The following NFATC1 variants were observed in gnomAD, a reference collection of about 807,000 sequenced individuals.
NFATC1 encodes the protein nuclear factor of activated T-cells, cytoplasmic 1.
In NFATC1, 22 loss-of-function variants were observed where a neutral mutation model predicts 76.0. The ratio of observed to expected loss-of-function variants is 0.29; its 90% confidence interval spans 0.21 to 0.41. The LOEUF (loss-of-function observed/expected upper bound fraction) is 0.41. Among genes scored for constraint, NFATC1 ranks in the 10% least tolerant of loss-of-function variants. The pLI, the probability that NFATC1 is intolerant of heterozygous loss-of-function variation, is 1.00. For missense variants in NFATC1, 1,357 were observed against 1,337.7 expected (o/e 1.01, Z -0.23); for synonymous variants, 704 against 613.1 (o/e 1.15, Z -2.19).
At chr18:79,446,876 C>T (rs368961453) in intron 3 of NFATC1, among the ~76,000 whole-genome samples, 8 of 152,234 alleles carry the variant, frequency 5.3e-5, no homozygotes, top group South Asian at 2.1e-4. Flanking sequence ...CGTGTTCCCA[C>T]GTGATGCCTT....
chr18:79,450,081 T>G (rs1391442552), intron 4 of NFATC1, among the ~76,000 whole-genome samples: 1 of 152,146 alleles, frequency 6.6e-6, no homozygotes, highest in African/African-American at 2.4e-5. Context: ...CGCTGGCGGC[T>G]GCGTTCACCC....
At chr18:79,437,848 C>T (rs913274332) in intron 3 of NFATC1, among the ~76,000 whole-genome samples, 2 of 152,230 alleles carry the variant, frequency 1.3e-5, no homozygotes, top group Non-Finnish European at 2.9e-5. Flanking sequence ...GTCTCACCTC[C>T]TCATCCGCAC....
chr18:79,424,975 C>CTCTG (rs551768188), intron 2 of NFATC1, among the ~76,000 whole-genome samples: 1 of 145,298 alleles, frequency 6.9e-6, no homozygotes, highest in Non-Finnish European at 1.5e-5. Flanking sequence ...CCGTCTCTGT[C>CTCTG]TCTCTGTCTC....
chr18:79,462,156 A>G (rs1250134353), intron 7 of NFATC1, among the ~76,000 whole-genome samples: 1 of 152,036 alleles, frequency 6.6e-6, no homozygotes, highest in Non-Finnish European at 1.5e-5. Context: ...CTGCTCCCAC[A>G]TCTCCTGCAC....
At chr18:79,432,805 C>T (rs922654308) in intron 2 of NFATC1, among the ~76,000 whole-genome samples, 21 of 152,210 alleles carry the variant, frequency 1.4e-4, no homozygotes, top group Admixed American at 1.4e-3. Context: ...GGAAGACACG[C>T]CGAGGGCACG....
chr18:79,486,092 G>A (rs187909899), intron 8 of NFATC1, among the ~76,000 whole-genome samples, 156 bp from the exon 9 acceptor site: 30 of 142,488 alleles, frequency 2.1e-4, no homozygotes, highest in African/African-American at 7.8e-4. Flanking sequence ...GATGACTCAC[G>A]CCTTTTTTTT....
At chr18:79,434,991 C>G (rs1441310302) in intron 3 of NFATC1, among the ~76,000 whole-genome samples, 3 of 152,204 alleles carry the variant, frequency 2.0e-5, no homozygotes, top group Admixed American at 6.5e-5. Context: ...CTCCACCCTC[C>G]CAGGTGGGAA....
At chr18:79,447,761 A>G (rs1256989951) in intron 3 of NFATC1, among the ~76,000 whole-genome samples, 2 of 152,246 alleles carry the variant, frequency 1.3e-5, no homozygotes, top group East Asian at 1.9e-4. Context: ...TGCCTCTTGC[A>G]TATGGAATCA....
chr18:79,411,002 C>A lies in NFATC1; in HGVS notation c.727C>A (p.Arg243Ser). Residue 243 changes from arginine (R) to serine (S), a missense_variant, in exon 2 of 10, where the codon CGC becomes AGC. Transcript: ENST00000427363. ...SPRHSPSTSP[R>S]ASVTEESWLG... ...GCGGCACTCCCCCTCCACCTCGCCC[C>A]GCGCCAGCGTCACTGAGGAGAGCTG... The A allele has an allele frequency of 6.2e-7, 1 of 1,609,744 alleles. No homozygotes were observed. The highest frequency in any genetic ancestry group is 8.5e-7 in the Non-Finnish European group (1 of 1,178,436).
intron 9 of NFATC1, among the ~76,000 whole-genome samples, chr18:79,487,368 C>T (rs1600896359): frequency 6.6e-6 from 1 of 152,230 alleles, no homozygotes; most frequent in Non-Finnish European, 1.5e-5. Flanking sequence ...TAGACAACAG[C>T]TTAGCCGAGG....
rs544150047 is a variant in NFATC1, at chr18:79,404,286, G to A, written c.128-6117G>A. ...GGAACATTAAATACCGTTTGTTTGC[G>A]CTGTGACGAGGCCATCCTATTTGCC... On this transcript the variant is annotated intron_variant, in intron 1 of 9. Transcript: ENST00000427363. Among the ~76,000 whole-genome samples the A allele has an allele frequency of 5.3e-5, 8 of 152,300 alleles. No individual in the cohort carries two copies. In the South Asian group the frequency reaches 1.0e-3, roughly 20 times the overall value.
At chr18:79,525,028 GC>G (rs2090722127) in intron 9 of NFATC1, among the ~76,000 whole-genome samples, 1 of 87,572 alleles carries the variant, frequency 1.1e-5, no homozygotes, top group Non-Finnish European at 2.5e-5. Flanking sequence ...TACCCCTCAG[GC>G]CTCCCCACGT....
chr18:79,451,066 G>A lies in NFATC1; in HGVS notation c.1702G>A (p.Val568Ile), dbSNP rs772820554. The change falls in exon 5 of 10, where the codon GTC becomes ATC. Residue 568 changes from valine to isoleucine, a missense_variant. Physicochemically the swap from Val to Ile is conservative, Grantham distance 29 (BLOSUM62 3). Coordinates refer to ENST00000427363, the MANE Select transcript of NFATC1 (RefSeq NM_001278669.2). ...TRVRLVFRVHVPQPSGRTLSL... is the reference protein window; with the variant it reads ...TRVRLVFRVHIPQPSGRTLSL... ...GGTACGGCTGGTGTTCCGCGTTCAC[G>A]TCCCGCAACCCAGCGGCCGCACGCT... is the stretch of plus-strand genomic sequence containing the variant. 31 of 1,613,128 alleles carry A rather than the reference G, an allele frequency of 1.9e-5. No individual in the cohort carries two copies. Among genetic ancestry groups the A allele is most frequent in the Admixed American group, 5.0e-5 (3 of 60,012 alleles).
rs538524130 is a variant in NFATC1 at position 79,398,545 on chromosome 18, G to A, written c.127+2194G>A. ...AAGCCCAGCACTGGGGCGGGGGAAG[G>A]GGGGGCTCCTAGGAGCAGCAGGGGA... On this transcript the variant is annotated intron_variant, in intron 1 of 9. Coordinates refer to ENST00000427363, the MANE Select transcript of NFATC1 (RefSeq NM_001278669.2). Among the ~76,000 whole-genome samples, 10 of 152,316 alleles carry A rather than the reference G, an allele frequency of 6.6e-5. No individual in the cohort carries two copies. In the South Asian group the frequency reaches 1.4e-3, roughly 22 times the overall value.
chr18:79,425,257 C>A (rs985168617), intron 2 of NFATC1, among the ~76,000 whole-genome samples: 1 of 55,244 alleles, frequency 1.8e-5, no homozygotes, highest in African/African-American at 1.3e-4. Flanking sequence ...CTGTTTCTCT[C>A]CCTGTCTCTG....
intron 9 of NFATC1, among the ~76,000 whole-genome samples, chr18:79,513,135 C>T (rs1292285492): frequency 6.6e-6 from 1 of 152,232 alleles, no homozygotes; most frequent in Non-Finnish European, 1.5e-5. Flanking sequence ...ATTCCTCTCT[C>T]GATACCCAGA....
intron 2 of NFATC1, among the ~76,000 whole-genome samples, chr18:79,423,269 C>A (rs2086164171): frequency 6.6e-6 from 1 of 152,230 alleles, no homozygotes; most frequent in Non-Finnish European, 1.5e-5. Flanking sequence ...GGCCTCACAG[C>A]CCAGATCCCG....
In NFATC1 at chr18:79,450,936, G is replaced by A. The variant is rs961451180; in HGVS notation, c.1590-18G>A. 70 of 1,605,766 alleles carry A rather than the reference G, an allele frequency of 4.4e-5. No homozygotes were observed. Among genetic ancestry groups the A allele is most frequent in the South Asian group, 5.5e-5 (5 of 90,814 alleles). On this transcript the variant is annotated intron_variant, in intron 4 of 9. Transcript: ENST00000427363. ...GTCAGCCATTGAAAGAAAAGCTGTG[G>A]GCTTTTGTTTTGGGCAGCATTGACT...
At chr18:79,433,474 C>A in intron 2 of NFATC1, 105 bp from the exon 3 acceptor site, 1 of 1,354,362 alleles carries the variant, frequency 7.4e-7, no homozygotes, top group South Asian at 1.2e-5. Context: ...CGTGCACTCG[C>A]CGATGAAGTG....
Sources: gnomAD v4.1 joint callset for allele counts (sites outside exome capture counted in the v4.1 genomes callset) on GRCh38, gnomAD v4.1.1 for gene constraint, MANE v1.5 for transcripts, NCBI Gene and HGNC (gene_info 2026-07-23, HGNC 2026-07-21) for gene names.